Variants in AUTS2 observed in about 807,000 individuals in gnomAD.
The protein encoded by AUTS2 is activator of transcription and developmental regulator AUTS2.
AUTS2 carries 17 observed loss-of-function variants against 112.4 expected under a neutral mutation model. The ratio of observed to expected loss-of-function variants is 0.15; its 90% CI spans 0.10 to 0.23. The LOEUF (loss-of-function observed/expected upper bound fraction) is 0.23, where lower values mean the gene tolerates loss of function less well. Among genes scored for constraint, AUTS2 ranks in the 10% least tolerant of loss-of-function variants. The probability of loss-of-function intolerance (pLI) is 1.00; values close to 1 mark genes in which losing one functional copy is unlikely to be tolerated. For missense variants in AUTS2, 1,510 were observed against 1,701.6 expected, an observed-to-expected ratio of 0.89 and a Z score of 1.98; for synonymous variants, 751 against 702.7, an observed-to-expected ratio of 1.07 and a Z score of -1.09.
intron 4 of AUTS2, among the ~76,000 whole-genome samples, chr7:70,371,786 C>A (rs1226635419): frequency 6.6e-6 from 1 of 152,122 alleles, no homozygotes; most frequent in Non-Finnish European, 1.5e-5. Flanking sequence ...CTCATAGATA[C>A]AAGCATTTTT....
At chr7:69,985,244 A>AG (rs1798459766) in intron 2 of AUTS2, among the ~76,000 whole-genome samples, 2 of 151,362 alleles carry the variant, frequency 1.3e-5, no homozygotes, top group Non-Finnish European at 2.9e-5. Flanking sequence ...AAAAAAAAAA[A>AG]AAAGAAAGGA....
chr7:70,009,816 C>T (rs1391620893), intron 2 of AUTS2, among the ~76,000 whole-genome samples: 2 of 152,200 alleles, frequency 1.3e-5, no homozygotes, highest in African/African-American at 4.8e-5. Context: ...AATGGTGGGA[C>T]TAGCCTCTGG....
At chr7:70,607,254 G>A (rs1418700172) in intron 5 of AUTS2, among the ~76,000 whole-genome samples, 2 of 152,122 alleles carry the variant, frequency 1.3e-5, no homozygotes, top group Non-Finnish European at 2.9e-5. Context: ...TGTAGTCATG[G>A]AATCCTCAGT....
chr7:69,937,970 T>C (rs1199663980), intron 2 of AUTS2, among the ~76,000 whole-genome samples: 2 of 152,196 alleles, frequency 1.3e-5, no homozygotes, highest in Non-Finnish European at 2.9e-5. Context: ...GACAGCATGA[T>C]GAGAGGTTTT....
intron 5 of AUTS2, among the ~76,000 whole-genome samples, chr7:70,561,174 G>T (rs903560565): frequency 2.6e-5 from 4 of 152,052 alleles, no homozygotes; most frequent in African/African-American, 9.7e-5. Context: ...GAGATCACAG[G>T]CTCCCTCTCC....
At chr7:70,734,194 C>A (rs963969747) in intron 6 of AUTS2, among the ~76,000 whole-genome samples, 1 of 151,958 alleles carries the variant, frequency 6.6e-6, no homozygotes, top group African/African-American at 2.4e-5. Context: ...AATCCCAGCA[C>A]TTTGGGAGGC....
At chr7:69,650,712 T>C (rs1455741421) in intron 1 of AUTS2, among the ~76,000 whole-genome samples, 1 of 152,246 alleles carries the variant, frequency 6.6e-6, no homozygotes, top group Non-Finnish European at 1.5e-5. Context: ...TGCAAGCCCA[T>C]GAAGATGTTC....
chr7:70,409,320 G>T (rs1794676366), intron 4 of AUTS2, among the ~76,000 whole-genome samples: 1 of 151,728 alleles, frequency 6.6e-6, no homozygotes, highest in South Asian at 2.1e-4. Context: ...AGTATCACTT[G>T]GTGTATTAGT....
At chr7:69,931,541 T>C (rs1242551879) in intron 2 of AUTS2, among the ~76,000 whole-genome samples, 1 of 152,204 alleles carries the variant, frequency 6.6e-6, no homozygotes, top group Non-Finnish European at 1.5e-5. Flanking sequence ...TGTGGTATTT[T>C]GTTGTAATCA....
intron 5 of AUTS2, among the ~76,000 whole-genome samples, chr7:70,604,587 G>A (rs1803634677): frequency 1.3e-5 from 2 of 152,226 alleles, no homozygotes; most frequent in South Asian, 2.1e-4. Flanking sequence ...TTAAGGATTT[G>A]GCTGTTCCCC....
chr7:70,472,386 A>ATTTTTT, intron 5 of AUTS2, among the ~76,000 whole-genome samples: 1 of 140,780 alleles, frequency 7.1e-6, no homozygotes. Flanking sequence ...TTTTTTTCCC[A>ATTTTTT]GTACCGTAAC....
At chr7:70,426,974 T>C (rs1220344851) in intron 4 of AUTS2, among the ~76,000 whole-genome samples, 2 of 152,118 alleles carry the variant, frequency 1.3e-5, no homozygotes, top group Non-Finnish European at 2.9e-5. Flanking sequence ...CCAGCATCAG[T>C]TGAAGCAAAC....
intron 5 of AUTS2, among the ~76,000 whole-genome samples, chr7:70,640,740 G>A (rs1256814618): frequency 6.6e-6 from 1 of 152,182 alleles, no homozygotes; most frequent in African/African-American, 2.4e-5. Context: ...CACAATGACA[G>A]TTTGTTTTTG....
At chr7:70,110,728 A>G (rs1805029835) in intron 2 of AUTS2, among the ~76,000 whole-genome samples, 1 of 152,118 alleles carries the variant, frequency 6.6e-6, no homozygotes, top group South Asian at 2.1e-4. Context: ...TAACACAGGT[A>G]AATAACTTTC....
intron 5 of AUTS2, among the ~76,000 whole-genome samples, chr7:70,532,255 T>C (rs1050542057): frequency 1.3e-5 from 2 of 152,132 alleles, no homozygotes; most frequent in African/African-American, 2.4e-5. Context: ...AGAGTTAACG[T>C]GGGAAGTGAC....
chr7:70,487,845 G>A (rs1798074418), intron 5 of AUTS2, among the ~76,000 whole-genome samples: 1 of 152,166 alleles, frequency 6.6e-6, no homozygotes, highest in South Asian at 2.1e-4. Flanking sequence ...GGAAATGACT[G>A]CATCTGCCAT....
chr7:70,661,596 G>T (rs894066129), intron 5 of AUTS2, among the ~76,000 whole-genome samples: 6 of 152,200 alleles, frequency 3.9e-5, no homozygotes, highest in Admixed American at 3.3e-4. Context: ...CTTCCCTTCA[G>T]TGAGAACCAA....
intron 5 of AUTS2, among the ~76,000 whole-genome samples, chr7:70,618,600 G>A (rs934105853): frequency 1.3e-5 from 2 of 152,162 alleles, no homozygotes; most frequent in African/African-American, 2.4e-5. Flanking sequence ...TGTGCCAGGG[G>A]TCTTGTTCAA....
intron 1 of AUTS2, among the ~76,000 whole-genome samples, chr7:69,735,165 C>A (rs1377890572): frequency 6.6e-6 from 1 of 152,136 alleles, no homozygotes; most frequent in African/African-American, 2.4e-5. Flanking sequence ...TTTTCATAAA[C>A]CTTTATGTAG....
Sources: gnomAD v4.1 joint callset for allele counts (sites outside exome capture counted in the v4.1 genomes callset) on GRCh38, gnomAD v4.1.1 for gene constraint, MANE v1.5 for transcripts, NCBI Gene and HGNC (gene_info 2026-07-23, HGNC 2026-07-21) for gene names.